Variants in WARS2 observed in about 807,000 individuals in gnomAD.
The protein encoded by WARS2 is tryptophanyl tRNA synthetase 2, mitochondrial.
WARS2 carries 28 observed loss-of-function variants against 36.5 expected under a neutral mutation model. The ratio of observed to expected loss-of-function variants is 0.77; its 90% CI spans 0.57 to 1.05. The LOEUF (loss-of-function observed/expected upper bound fraction) is 1.05, where lower values mean the gene tolerates loss of function less well. WARS2 is among the 50% of genes least tolerant of loss of function. The pLI, the probability that WARS2 is intolerant of heterozygous loss-of-function variation, is 0.00. For synonymous variants in WARS2, 174 were observed against 178.4 expected (o/e 0.98, Z 0.20); for missense variants, 435 against 456.8 (o/e 0.95, Z 0.44).
At chr1:119,114,025 T>A (rs1029056331) in intron 1 of WARS2, among the ~76,000 whole-genome samples, 5 of 152,206 alleles carry the variant, frequency 3.3e-5, no homozygotes, top group Non-Finnish European at 7.3e-5. Context: ...CACTATGCTC[T>A]TTTCTTTATA....
At chr1:119,051,762 ATTTTTTT>A (rs527937756) in intron 2 of WARS2, among the ~76,000 whole-genome samples, 3 of 114,314 alleles carry the variant, frequency 2.6e-5, no homozygotes, top group Non-Finnish European at 3.5e-5. Flanking sequence ...TCTCGCTGTA[ATTTTTTT>A]TTTTTTTTTT....
At chr1:119,087,118 C>T (rs1189669285) in intron 1 of WARS2, among the ~76,000 whole-genome samples, 12 of 152,222 alleles carry the variant, frequency 7.9e-5, no homozygotes. Flanking sequence ...ATGCCTCCTT[C>T]ATCAATTCTT....
intron 2 of WARS2, among the ~76,000 whole-genome samples, chr1:119,047,951 T>G (rs761650160): frequency 1.3e-5 from 2 of 152,218 alleles, no homozygotes; most frequent in African/African-American, 2.4e-5. Flanking sequence ...TTTGCCTATC[T>G]TTTTCACAGC....
intron 1 of WARS2, among the ~76,000 whole-genome samples, chr1:119,110,557 T>A (rs1490098056): frequency 1.3e-5 from 2 of 151,984 alleles, no homozygotes; most frequent in Admixed American, 1.3e-4. Flanking sequence ...GGACTTTTTT[T>A]TTAATATTTG....
chr1:119,047,986 C>G (rs1053291545), intron 2 of WARS2, among the ~76,000 whole-genome samples: 2 of 152,186 alleles, frequency 1.3e-5, no homozygotes, highest in Non-Finnish European at 2.9e-5. Context: ...TGGTACATTG[C>G]ATGTCCTGAG....
chr1:119,134,477 T>G (rs1656354387), intron 1 of WARS2, among the ~76,000 whole-genome samples: 2 of 151,938 alleles, frequency 1.3e-5, no homozygotes, highest in East Asian at 3.9e-4. Context: ...AAGCTACAGA[T>G]GAATTTTGGT....
intron 1 of WARS2, among the ~76,000 whole-genome samples, chr1:119,135,232 C>T (rs781501248): frequency 6.6e-6 from 1 of 152,160 alleles, no homozygotes; most frequent in Non-Finnish European, 1.5e-5. Flanking sequence ...ATGGAAGCTG[C>T]AGTATTTTTC....
At chr1:119,125,164 G>A (rs1655568425) in intron 1 of WARS2, among the ~76,000 whole-genome samples, 1 of 152,146 alleles carries the variant, frequency 6.6e-6, no homozygotes, top group South Asian at 2.1e-4. Flanking sequence ...CTTCAAACAT[G>A]ACAGTTTAGC....
intron 1 of WARS2, among the ~76,000 whole-genome samples, chr1:119,112,913 G>C (rs1265897955): frequency 6.6e-6 from 1 of 152,156 alleles, no homozygotes; most frequent in African/African-American, 2.4e-5. Flanking sequence ...CAGAGGAAGA[G>C]ACTGCAAAGG....
intron 2 of WARS2, among the ~76,000 whole-genome samples, chr1:119,072,196 G>A (rs1464652239): frequency 6.6e-6 from 1 of 152,136 alleles, no homozygotes; most frequent in East Asian, 1.9e-4. Context: ...TAAGGCATGA[G>A]GAGGACCTTT....
chr1:119,040,352 G>A (rs976523592), intron 4 of WARS2, among the ~76,000 whole-genome samples: 1 of 152,218 alleles, frequency 6.6e-6, no homozygotes, highest in Non-Finnish European at 1.5e-5. Flanking sequence ...CATTAAGAAT[G>A]TAGTCATTCT....
At chr1:119,092,556 T>C (rs1042159373) in intron 1 of WARS2, among the ~76,000 whole-genome samples, 1 of 152,140 alleles carries the variant, frequency 6.6e-6, no homozygotes, top group Non-Finnish European at 1.5e-5. Context: ...GTATTCTCAA[T>C]TCTGGCTAAT....
intron 1 of WARS2, among the ~76,000 whole-genome samples, chr1:119,121,723 C>T (rs1655337400): frequency 6.6e-6 from 1 of 152,008 alleles, no homozygotes; most frequent in East Asian, 1.9e-4. Context: ...GAATAGAGAA[C>T]CCAGAAATAA....
rs1263439664 is a variant in WARS2 at position 119,126,721 on chromosome 1, A to G, written c.90+13834T>C. 3 of 732,166 alleles carry G rather than the reference A, an allele frequency of 4.1e-6. No individual in the cohort carries two copies. The East Asian group carries it at 7.4e-5, about 18-fold the overall frequency. The allele number at this position is 732,166 out of a possible 1,614,324, so 45.4% of individuals were successfully genotyped here. A position where few individuals can be genotyped will look rare whatever the true frequency, so the allele number is the denominator to read the frequency against. ...CTAACGAAGACATCACAGAGAGGAT[A>G]AATAGATTGGCAAGCCTTTTCTATG... On this transcript the variant is annotated intron_variant, in intron 1 of 5. Coordinates refer to ENST00000235521, the MANE Select transcript of WARS2 (RefSeq NM_015836.4).
rs941619230 is a variant in WARS2 at position 119,031,316 on chromosome 1, T to C, written c.*1595A>G. Reference sequence around the variant, plus strand: ...AAAAAACAGAGGCTTGTAAGAAATATGCTCAAAGAGGTTCTAGGACTTACA... The same window carrying C: ...AAAAAACAGAGGCTTGTAAGAAATACGCTCAAAGAGGTTCTAGGACTTACA... On this transcript the variant is annotated 3_prime_UTR_variant, in exon 6 of 6. Coordinates refer to ENST00000235521, the MANE Select transcript of WARS2 (RefSeq NM_015836.4). 3 of 152,214 alleles carry C rather than the reference T, an allele frequency of 2.0e-5. No individual in the cohort carries two copies. Among genetic ancestry groups the C allele is most frequent in the Admixed American group, 6.5e-5 (1 of 15,282 alleles). 9.4% of individuals were successfully genotyped at this position (152,214 alleles called of 1,614,324 possible).
In WARS2 at chr1:119,032,246, T is replaced by A. The variant is rs576629778; in HGVS notation, c.*665A>T. 8 of 152,316 alleles carry A rather than the reference T, an allele frequency of 5.3e-5. No individual in the cohort carries two copies. The highest frequency in any genetic ancestry group is 2.6e-4 in the Admixed American group (4 of 15,294). The allele number at this position is 152,316 out of a possible 1,614,324, so 9.4% of individuals were successfully genotyped here. A position where few individuals can be genotyped will look rare whatever the true frequency, so the allele number is the denominator to read the frequency against. On this transcript the variant is annotated 3_prime_UTR_variant, in exon 6 of 6. Transcript: ENST00000235521. ...CTTATTAAGAATATAATTCAGGGACTTGGGCTCTTGTACAATAAATAAATC... is the reference window on the plus strand; with the variant it reads ...CTTATTAAGAATATAATTCAGGGACATGGGCTCTTGTACAATAAATAAATC...
chr1:119,131,421 G>C (rs1448438092), intron 1 of WARS2, among the ~76,000 whole-genome samples: 1 of 151,440 alleles, frequency 6.6e-6, no homozygotes, highest in South Asian at 2.1e-4. Flanking sequence ...CAATGGTCTA[G>C]AGAGGTATTT....
chr1:119,131,335 A>G (rs1448782736), intron 1 of WARS2, among the ~76,000 whole-genome samples: 1 of 152,212 alleles, frequency 6.6e-6, no homozygotes, highest in Non-Finnish European at 1.5e-5. Flanking sequence ...GGCATTAATA[A>G]GGAAGTAAAA....
At chr1:119,072,014 C>T (rs1651357978) in intron 2 of WARS2, among the ~76,000 whole-genome samples, 1 of 152,020 alleles carries the variant, frequency 6.6e-6, no homozygotes, top group African/African-American at 2.4e-5. Flanking sequence ...TTTTGTATTA[C>T]AAAACATAAG....
Sources: allele counts gnomAD v4.1 joint callset (sites outside exome capture counted in the v4.1 genomes callset), GRCh38; gene constraint gnomAD v4.1.1; transcripts MANE v1.5; gene names NCBI Gene and HGNC (gene_info 2026-07-23, HGNC 2026-07-21).